The following COLEC11 variants were observed in gnomAD, a reference collection of about 807,000 sequenced individuals.
The protein encoded by COLEC11 is collectin subfamily member 11, also known as collectin-11.
In COLEC11, 20 loss-of-function variants were observed where a neutral mutation model predicts 27.3. That is an observed-to-expected ratio of 0.73 (90% CI 0.51 to 1.06). The LOEUF (loss-of-function observed/expected upper bound fraction) is 1.06. Ranked by LOEUF, COLEC11 falls within the 50% of genes least tolerant of loss-of-function variation. The probability of loss-of-function intolerance (pLI) is 0.00; values close to 1 mark genes in which losing one functional copy is unlikely to be tolerated. For missense variants in COLEC11, 310 were observed against 383.0 expected, an observed-to-expected ratio of 0.81 and a Z score of 1.59; for synonymous variants, 163 against 154.7, an observed-to-expected ratio of 1.05 and a Z score of -0.40.
At chr2:3,629,208 A>T in intron 3 of COLEC11, among the ~76,000 whole-genome samples, 1 of 152,248 alleles carries the variant, frequency 6.6e-6, no homozygotes, top group South Asian at 2.1e-4. Context: ...TAAGTCAGCT[A>T]CAGAAAAGGT....
intron 3 of COLEC11, among the ~76,000 whole-genome samples, chr2:3,636,286 C>A (rs952775161): frequency 2.6e-5 from 4 of 152,222 alleles, no homozygotes; most frequent in African/African-American, 7.2e-5. Context: ...GAAACCCCAT[C>A]TCTGCTAAAA....
chr2:3,635,444 G>A (rs572171435), intron 3 of COLEC11, among the ~76,000 whole-genome samples: 18 of 152,216 alleles, frequency 1.2e-4, no homozygotes, highest in South Asian at 2.1e-4. Context: ...TGATCTCGCC[G>A]CCCTCTTCGC....
intron 1 of COLEC11, among the ~76,000 whole-genome samples, chr2:3,596,749 T>C (rs1017946996): frequency 1.3e-5 from 2 of 152,194 alleles, no homozygotes; most frequent in Non-Finnish European, 1.5e-5. Flanking sequence ...CCTGAGCGTC[T>C]TGGGCCCTGG....
Position 3,642,541 on chromosome 2 carries a change from G to A in COLEC11, c.329-903G>A, listed in dbSNP as rs149093878. ...TCCCTATCAGCTCCCTTTCACCACC[G>A]TTTCAATATATGCAAGCAATTCTTG... is the stretch of plus-strand genomic sequence containing the variant. On this transcript the variant is annotated intron_variant, in intron 5 of 6. Transcript: ENST00000349077. Among the ~76,000 whole-genome samples the A allele has an allele frequency of 2.6e-3, 397 of 151,620 alleles. 1 individual carries two copies. The highest frequency in any genetic ancestry group is 4.8e-3 in the Non-Finnish European group (323 of 67,904).
chr2:3,638,764 G>A (rs1572473332), intron 4 of COLEC11, among the ~76,000 whole-genome samples: 1 of 152,362 alleles, frequency 6.6e-6, no homozygotes. Context: ...GAGAACCACA[G>A]GATCTGGAGG....
intron 2 of COLEC11, among the ~76,000 whole-genome samples, chr2:3,610,095 C>G (rs1278750235): frequency 6.6e-6 from 1 of 152,196 alleles, no homozygotes; most frequent in African/African-American, 2.4e-5. Context: ...AGTAGTCATG[C>G]TGGTTAGTGA....
At chr2:3,606,227 T>G (rs1662686071) in intron 2 of COLEC11, 1 of 1,550,324 alleles carries the variant, frequency 6.5e-7, no homozygotes, top group African/African-American at 1.4e-5. Context: ...ACGGTTGTCT[T>G]CCCTGCGCCC....
At chr2:3,621,533 T>C (rs558496593) in intron 3 of COLEC11, among the ~76,000 whole-genome samples, 48 of 152,322 alleles carry the variant, frequency 3.2e-4, no homozygotes, top group African/African-American at 1.0e-3. Flanking sequence ...TCTATTTACA[T>C]TTAAAGTAAT....
chr2:3,609,591 G>A (rs1007277409), intron 2 of COLEC11, among the ~76,000 whole-genome samples: 11 of 150,790 alleles, frequency 7.3e-5, no homozygotes, highest in South Asian at 2.1e-4. Flanking sequence ...GTGCAATAGC[G>A]TGATCTTGGC....
Position 3,595,159 on chromosome 2 carries a change from G to A in COLEC11, c.-36G>A, listed in dbSNP as rs921552756. 4 of 346,820 alleles carry A rather than the reference G, an allele frequency of 1.2e-5. No individual in the cohort carries two copies. The highest frequency in any genetic ancestry group is 2.3e-5 in the Non-Finnish European group (4 of 171,918). 21.5% of individuals were successfully genotyped at this position (346,820 alleles called of 1,614,324 possible). A position where few individuals can be genotyped will look rare whatever the true frequency, so the allele number is the denominator to read the frequency against. ...GGGCAGGACGCCCCGTTCGCCTAGC[G>A]CGTGCTCAGGTAGGAGACTCTGCCC... On this transcript the variant is annotated 5_prime_UTR_variant, in exon 1 of 7. Coordinates refer to ENST00000349077, the MANE Select transcript of COLEC11 (RefSeq NM_024027.5).
intron 2 of COLEC11, chr2:3,605,070 T>G (rs1354870043): frequency 6.4e-6 from 3 of 470,916 alleles, no homozygotes; most frequent in Non-Finnish European, 1.3e-5. Flanking sequence ...ATCTGAAGCC[T>G]CCAGAGCAGC....
intron 3 of COLEC11, among the ~76,000 whole-genome samples, chr2:3,634,598 C>A (rs766094618): frequency 1.8e-4 from 28 of 152,210 alleles, no homozygotes; most frequent in Admixed American, 6.5e-5. Context: ...CCTTCTCTCT[C>A]CCTGCTGTGG....
chr2:3,597,218 G>A (rs1313556695), intron 1 of COLEC11, among the ~76,000 whole-genome samples: 1 of 151,600 alleles, frequency 6.6e-6, no homozygotes, highest in Admixed American at 6.6e-5. Flanking sequence ...GCTGCTCCGG[G>A]GTCAGTGAAT....
intron 2 of COLEC11, among the ~76,000 whole-genome samples, chr2:3,606,808 G>A (rs1662741037): frequency 1.3e-5 from 2 of 152,218 alleles, no homozygotes; most frequent in African/African-American, 4.8e-5. Flanking sequence ...TGTGCCAGCA[G>A]ACTTCATCCC....
intron 1 of COLEC11, among the ~76,000 whole-genome samples, chr2:3,599,006 G>T (rs376826009): frequency 1.3e-5 from 2 of 151,810 alleles, no homozygotes; most frequent in East Asian, 1.9e-4. Flanking sequence ...AAGGAGGAAG[G>T]TGAGCCCTTC....
At chr2:3,634,221 A>G (rs563630759) in intron 3 of COLEC11, among the ~76,000 whole-genome samples, 1 of 152,316 alleles carries the variant, frequency 6.6e-6, no homozygotes, top group Middle Eastern at 3.4e-3. Context: ...AGGAACCAAG[A>G]CACTCCAGGG....
At chr2:3,636,807 C>A (rs1166141546) in intron 3 of COLEC11, among the ~76,000 whole-genome samples, 1 of 152,128 alleles carries the variant, frequency 6.6e-6, no homozygotes, top group Non-Finnish European at 1.5e-5. Flanking sequence ...GTGACAGCGG[C>A]ATTCTTCAGG....
intron 4 of COLEC11, among the ~76,000 whole-genome samples, chr2:3,639,063 T>C (rs1298443357): frequency 6.6e-6 from 1 of 152,246 alleles, no homozygotes; most frequent in Non-Finnish European, 1.5e-5. Flanking sequence ...TAACAATGTT[T>C]GTCCTTCTGT....
At chr2:3,617,520 A>G (rs898983506) in intron 3 of COLEC11, 29 of 1,494,458 alleles carry the variant, frequency 1.9e-5, no homozygotes, top group African/African-American at 1.4e-4. Context: ...TGTGGAATAT[A>G]CAGTGCATAT....
Sources: gnomAD v4.1 joint callset for allele counts (sites outside exome capture counted in the v4.1 genomes callset) on GRCh38, gnomAD v4.1.1 for gene constraint, MANE v1.5 for transcripts, NCBI Gene and HGNC (gene_info 2026-07-23, HGNC 2026-07-21) for gene names.